Variants in ARHGAP26 observed in about 807,000 individuals in gnomAD.
The protein encoded by ARHGAP26 is Rho GTPase activating protein 26, also known as rho GTPase-activating protein 26.
Under a neutral mutation model 104.8 loss-of-function variants are expected in ARHGAP26, and 38 were observed. That is an observed-to-expected ratio of 0.36 (90% CI 0.28 to 0.48). The LOEUF is 0.48. Ranked by LOEUF, ARHGAP26 falls within the 20% of genes least tolerant of loss-of-function variation. The probability of loss-of-function intolerance (pLI) is 0.99; values close to 1 mark genes in which losing one functional copy is unlikely to be tolerated. For missense variants in ARHGAP26, 704 were observed against 947.9 expected, an observed-to-expected ratio of 0.74 and a Z score of 3.38; for synonymous variants, 341 against 340.0, an observed-to-expected ratio of 1.00 and a Z score of -0.03.
chr5:143,083,313 A>C (rs1347536739), intron 17 of ARHGAP26, among the ~76,000 whole-genome samples: 1 of 151,724 alleles, frequency 6.6e-6, no homozygotes, highest in East Asian at 1.9e-4. Flanking sequence ...GATCAGTTTT[A>C]CTCCTGCCAA....
At chr5:142,885,258 G>T (rs367676795) in intron 4 of ARHGAP26, 40 bp from the exon 5 acceptor site, 8 of 1,552,168 alleles carry the variant, frequency 5.2e-6, no homozygotes, top group Admixed American at 3.4e-5. Flanking sequence ...TTCCTGCAAC[G>T]TGTTACTCTT....
intron 1 of ARHGAP26, among the ~76,000 whole-genome samples, chr5:142,806,337 A>G (rs552222469): frequency 6.6e-5 from 10 of 152,310 alleles, no homozygotes; most frequent in African/African-American, 2.4e-4. Flanking sequence ...GGCTCAAGCA[A>G]TCCTCCTGCC....
Position 143,145,807 on chromosome 5 carries a change from T to C in ARHGAP26, c.1838-1424T>C, listed in dbSNP as rs3776278. On this transcript the variant is annotated intron_variant, in intron 19 of 22. Transcript: ENST00000645722. The stretch of plus-strand genomic sequence containing the variant: ...TTTCTCTCTCCTGTGGGGCTTTATC[T>C]AGGGCATTAAGGATTTGCTAAGATA... 4.6e-3 allele frequency among the ~76,000 whole-genome samples: 697 copies of C among 152,332 alleles called. 7 individuals carry two copies. Among genetic ancestry groups the C allele is most frequent in the East Asian group, 0.04 (205 of 5,188 alleles).
intron 1 of ARHGAP26, among the ~76,000 whole-genome samples, chr5:142,863,428 C>T (rs1753724395): frequency 2.0e-5 from 3 of 152,162 alleles, no homozygotes; most frequent in South Asian, 4.1e-4. Context: ...CTTTTAAGGC[C>T]GAGTGTGTCA....
At chr5:142,799,217 T>C (rs559969814) in intron 1 of ARHGAP26, among the ~76,000 whole-genome samples, 1 of 152,122 alleles carries the variant, frequency 6.6e-6, no homozygotes, top group East Asian at 1.9e-4. Context: ...CATATTGTAA[T>C]GTATCTTTAT....
Position 143,222,725 on chromosome 5 carries a change from G to T in ARHGAP26, c.*279G>T. The T allele has an allele frequency of 3.3e-6, 1 of 301,172 alleles. No homozygotes were observed. Among genetic ancestry groups the T allele is most frequent in the Non-Finnish European group, 6.1e-6 (1 of 162,710 alleles). 18.7% of individuals were successfully genotyped at this position (301,172 alleles called of 1,614,324 possible). Reference sequence around the variant, plus strand: ...AAAGCCGTTTTCTCATGAGTACCCTGAATAGGGGGCACTCATTTTGTTTCA... The same window carrying T: ...AAAGCCGTTTTCTCATGAGTACCCTTAATAGGGGGCACTCATTTTGTTTCA... On this transcript the variant is annotated 3_prime_UTR_variant, in exon 23 of 23. Coordinates refer to ENST00000645722, the MANE Select transcript of ARHGAP26 (RefSeq NM_001135608.3).
chr5:142,807,542 G>A (rs1259184959), intron 1 of ARHGAP26, among the ~76,000 whole-genome samples: 2 of 152,216 alleles, frequency 1.3e-5, no homozygotes, highest in Non-Finnish European at 2.9e-5. Flanking sequence ...GGCAGCCCAC[G>A]GCTCTGGTGT....
At chr5:142,963,223 CGT>C (rs1171707902) in intron 11 of ARHGAP26, among the ~76,000 whole-genome samples, 11 of 66,986 alleles carry the variant, frequency 1.6e-4, no homozygotes, top group Non-Finnish European at 1.9e-4. Context: ...TGTGTGTGCG[CGT>C]GTGTGTGTGT....
At chr5:142,948,065 TAA>T (rs1274588298) in intron 11 of ARHGAP26, among the ~76,000 whole-genome samples, 3 of 152,112 alleles carry the variant, frequency 2.0e-5, no homozygotes, top group African/African-American at 7.2e-5. Context: ...TGAATGGATT[TAA>T]AAAAGAGAAC....
chr5:143,093,740 T>TCCTTCC (rs1414836923), intron 17 of ARHGAP26, among the ~76,000 whole-genome samples: 1 of 152,078 alleles, frequency 6.6e-6, no homozygotes, highest in Non-Finnish European at 1.5e-5. Context: ...TTCTCCCCTC[T>TCCTTCC]CCTTCCCCTT....
At chr5:142,823,327 A>G (rs372337876) in intron 1 of ARHGAP26, among the ~76,000 whole-genome samples, 6 of 152,160 alleles carry the variant, frequency 3.9e-5, no homozygotes, top group African/African-American at 1.4e-4. Context: ...CAGTATATGC[A>G]GATTACAAAT....
intron 21 of ARHGAP26, among the ~76,000 whole-genome samples, chr5:143,213,208 T>C (rs1211268512): frequency 6.6e-6 from 1 of 152,212 alleles, no homozygotes; most frequent in African/African-American, 2.4e-5. Context: ...AACCTAGACA[T>C]CTGCATTTTC....
chr5:142,886,308 G>A (rs1022087336), intron 5 of ARHGAP26, among the ~76,000 whole-genome samples: 4 of 152,300 alleles, frequency 2.6e-5, no homozygotes, highest in Non-Finnish European at 2.9e-5. Context: ...TATGAGGACA[G>A]TAGAGTCAGA....
intron 1 of ARHGAP26, among the ~76,000 whole-genome samples, chr5:142,785,229 C>T (rs1471688997): frequency 6.6e-6 from 1 of 152,212 alleles, no homozygotes; most frequent in Non-Finnish European, 1.5e-5. Flanking sequence ...CTCATGTCTC[C>T]AAGTGTGGCA....
intron 1 of ARHGAP26, among the ~76,000 whole-genome samples, chr5:142,860,805 G>A (rs1378286482): frequency 9.9e-5 from 15 of 152,118 alleles, no homozygotes; most frequent in Admixed American, 4.6e-4. Context: ...TTGCTCTGTG[G>A]AGCTCCACCT....
rs1376141642 is a variant in ARHGAP26, at chr5:143,227,045, AAAG to A, written c.*4606_*4608del. ...TCACAGTTGAGGGGGAGAAAGACAG[AAAG>A]AAGAAGCCAAAGATAACCTGATCCC... is the stretch of plus-strand genomic sequence containing the variant. On this transcript the variant is annotated 3_prime_UTR_variant, in exon 23 of 23. Transcript: ENST00000645722. The A allele has an allele frequency of 2.6e-5, 6 of 230,204 alleles. No individual in the cohort carries two copies. Among genetic ancestry groups the A allele is most frequent in the African/African-American group, 8.9e-5 (4 of 45,182 alleles). 14.3% of individuals were successfully genotyped at this position (230,204 alleles called of 1,614,324 possible).
At chr5:142,793,051 T>G (rs908312776) in intron 1 of ARHGAP26, among the ~76,000 whole-genome samples, 1 of 152,038 alleles carries the variant, frequency 6.6e-6, no homozygotes, top group African/African-American at 2.4e-5. Context: ...TCAGCTGCAT[T>G]CTGCCAGCTT....
chr5:142,996,186 A>G (rs1180104045), intron 11 of ARHGAP26, among the ~76,000 whole-genome samples: 1 of 152,174 alleles, frequency 6.6e-6, no homozygotes, highest in East Asian at 1.9e-4. Flanking sequence ...AACTTAAAGT[A>G]TAATAAAAAA....
Position 143,004,093 on chromosome 5 carries a change from C to T in ARHGAP26, c.1108-9987C>T, listed in dbSNP as rs1238442766. 5.3e-5 allele frequency among the ~76,000 whole-genome samples: 8 copies of T among 150,024 alleles called. No homozygotes were observed. In the South Asian group the frequency reaches 1.7e-3, roughly 32 times the overall value. The stretch of plus-strand genomic sequence containing the variant: ...GGTACAAAAACAACTGGATTGGTTA[C>T]AGCTTGGTGTTTGCCTTATTTGAAC... On this transcript the variant is annotated intron_variant, in intron 11 of 22. Coordinates refer to ENST00000645722, the MANE Select transcript of ARHGAP26 (RefSeq NM_001135608.3).
Sources: allele counts gnomAD v4.1 joint callset (sites outside exome capture counted in the v4.1 genomes callset), GRCh38; gene constraint gnomAD v4.1.1; transcripts MANE v1.5; gene names NCBI Gene and HGNC (gene_info 2026-07-23, HGNC 2026-07-21).